The following GABRG3 variants were observed in gnomAD, a reference collection of about 807,000 sequenced individuals.
GABRG3 encodes the protein gamma-aminobutyric acid type A receptor subunit gamma3.
A neutral mutation model predicts 48.8 loss-of-function variants in GABRG3; 25 were observed. The ratio of observed to expected loss-of-function variants is 0.51; its 90% confidence interval spans 0.37 to 0.72. The LOEUF (loss-of-function observed/expected upper bound fraction) is 0.72. Ranked by LOEUF, GABRG3 falls within the 30% of genes least tolerant of loss-of-function variation. The pLI is 0.00. For synonymous variants in GABRG3, 227 were observed against 217.6 expected (o/e 1.04, Z -0.38); for missense variants, 394 against 577.9 (o/e 0.68, Z 3.26).
chr15:27,502,419 T>C (rs1171194614), intron 6 of GABRG3, among the ~76,000 whole-genome samples: 2 of 152,214 alleles, frequency 1.3e-5, no homozygotes, highest in East Asian at 3.9e-4. Flanking sequence ...AAGTGCTTTA[T>C]CCTATTCCCT....
intron 3 of GABRG3, among the ~76,000 whole-genome samples, chr15:27,278,797 G>A (rs964098895): frequency 1.3e-5 from 2 of 152,180 alleles, no homozygotes; most frequent in African/African-American, 4.8e-5. Flanking sequence ...TGACATAAAA[G>A]CCAAGAGTGT....
intron 3 of GABRG3, among the ~76,000 whole-genome samples, chr15:27,174,445 G>A: frequency 6.6e-6 from 1 of 152,084 alleles, no homozygotes; most frequent in East Asian, 1.9e-4. Context: ...TCCCTCATCA[G>A]TTAGAACTAT....
intron 3 of GABRG3, among the ~76,000 whole-genome samples, chr15:27,304,770 A>G (rs1477411432): frequency 1.3e-5 from 2 of 151,948 alleles, no homozygotes; most frequent in Admixed American, 6.6e-5. Flanking sequence ...CCAAAGTACT[A>G]TTTGCCAAGT....
intron 5 of GABRG3, among the ~76,000 whole-genome samples, chr15:27,344,463 G>A (rs915212476): frequency 2.6e-5 from 4 of 152,166 alleles, no homozygotes; most frequent in East Asian, 1.9e-4. Flanking sequence ...CTAAAGTCTC[G>A]TTGCAGTGAA....
Position 27,527,327 on chromosome 15 carries a change from G to A in GABRG3, c.866-106G>A. The A allele has an allele frequency of 3.3e-6, 3 of 913,352 alleles. No individual in the cohort carries two copies. In the South Asian group the frequency reaches 4.9e-5, roughly 15 times the overall value. The allele number at this position is 913,352 out of a possible 1,614,324, so 56.6% of individuals were successfully genotyped here. On this transcript the variant is annotated intron_variant, in intron 7 of 9. Coordinates refer to ENST00000615808, the MANE Select transcript of GABRG3 (RefSeq NM_033223.5). ...ATTACATGAGGTATGCAGCATCAGG[G>A]ATTCCTGTAAGGCAGCCGTGCTGGG...
chr15:27,380,357 C>G (rs897906298), intron 5 of GABRG3, among the ~76,000 whole-genome samples: 1 of 151,830 alleles, frequency 6.6e-6, no homozygotes, highest in Non-Finnish European at 1.5e-5. Context: ...TCTGATAATC[C>G]CAACATCTCT....
chr15:27,418,530 T>A (rs1888011766), intron 5 of GABRG3, among the ~76,000 whole-genome samples: 1 of 152,176 alleles, frequency 6.6e-6, no homozygotes, highest in Admixed American at 6.5e-5. Context: ...TGTCACTGAT[T>A]CAGCTGCCAC....
intron 3 of GABRG3, among the ~76,000 whole-genome samples, chr15:27,063,130 C>T (rs1016505955): frequency 6.6e-6 from 1 of 152,184 alleles, no homozygotes; most frequent in African/African-American, 2.4e-5. Context: ...CTAAGCCCGA[C>T]TAAACTGTTG....
At position 27,538,803 on chromosome 15, in the gene GABRG3, G is replaced by A. The variant is rs749338128; in HGVS notation, c.*5922G>A. ...ACTTCCTGTGAGGGGCTTAGACTCC[G>A]ATTTCTCCCAGTTGCCTCACTTACT... On this transcript the variant is annotated 3_prime_UTR_variant, in exon 10 of 10. Coordinates refer to ENST00000615808, the MANE Select transcript of GABRG3 (RefSeq NM_033223.5). 2.6e-5 allele frequency: 4 copies of A among 152,166 alleles called. No individual in the cohort carries two copies. The highest frequency in any genetic ancestry group is 1.9e-4 in the East Asian group (1 of 5,196). 9.4% of individuals were successfully genotyped at this position (152,166 alleles called of 1,614,324 possible).
At chr15:27,059,440 T>A (rs1324043087) in intron 3 of GABRG3, among the ~76,000 whole-genome samples, 1 of 152,246 alleles carries the variant, frequency 6.6e-6, no homozygotes, top group Non-Finnish European at 1.5e-5. Flanking sequence ...GAATCCCAGT[T>A]ATGAGATACT....
intron 3 of GABRG3, among the ~76,000 whole-genome samples, chr15:27,041,662 A>G (rs1896278914): frequency 6.6e-6 from 1 of 152,184 alleles, no homozygotes; most frequent in African/African-American, 2.4e-5. Context: ...CATGTACTAC[A>G]TTTGCCAATC....
intron 3 of GABRG3, among the ~76,000 whole-genome samples, chr15:27,037,736 C>T (rs7179741): frequency 0.017 from 2,516 of 152,244 alleles, 55 homozygotes; most frequent in African/African-American, 0.057. Context: ...CTTCTGTGCC[C>T]GAGCTGTCTT....
intron 6 of GABRG3, chr15:27,481,383 T>C: frequency 3.6e-6 from 2 of 556,396 alleles, no homozygotes; most frequent in Non-Finnish European, 4.6e-6. Context: ...ATGTCTTATG[T>C]TGTTTTTTGC....
rs750517024 is a variant in GABRG3, at chr15:27,480,807, G to A, written c.712+20G>A. Reference sequence around the variant, plus strand: ...CTGCAGGTAGGAATTTACTGAAAGAGGCACAGCTCTCAAAAGCCAGAGAGG... The same window carrying A: ...CTGCAGGTAGGAATTTACTGAAAGAAGCACAGCTCTCAAAAGCCAGAGAGG... On this transcript the variant is annotated intron_variant, in intron 6 of 9. Coordinates refer to ENST00000615808, the MANE Select transcript of GABRG3 (RefSeq NM_033223.5). The A allele has an allele frequency of 3.7e-6, 6 of 1,612,570 alleles. No homozygotes were observed. In the South Asian group the frequency reaches 6.6e-5, roughly 18 times the overall value.
At chr15:27,382,935 G>A (rs755220558) in intron 5 of GABRG3, among the ~76,000 whole-genome samples, 49 of 152,092 alleles carry the variant, frequency 3.2e-4, no homozygotes, top group Non-Finnish European at 4.9e-4. Flanking sequence ...AGTGTGCTTG[G>A]ATATATTAAT....
chr15:27,466,704 T>A (rs1256993903), intron 5 of GABRG3, among the ~76,000 whole-genome samples: 1 of 152,116 alleles, frequency 6.6e-6, no homozygotes, highest in Non-Finnish European at 1.5e-5. Context: ...AACCGTTGTA[T>A]CCTAGTTGGA....
chr15:27,175,862 G>T (rs1481232306), intron 3 of GABRG3, among the ~76,000 whole-genome samples: 2 of 152,120 alleles, frequency 1.3e-5, no homozygotes, highest in African/African-American at 4.8e-5. Flanking sequence ...AAGAGACATT[G>T]TTCCTTCCTC....
At chr15:27,148,655 G>C (rs1225561469) in intron 3 of GABRG3, among the ~76,000 whole-genome samples, 1 of 151,826 alleles carries the variant, frequency 6.6e-6, no homozygotes, top group East Asian at 1.9e-4. Flanking sequence ...TTATACACCA[G>C]TGACCAAGTA....
intron 3 of GABRG3, among the ~76,000 whole-genome samples, chr15:27,046,186 G>A (rs560616621): frequency 1.3e-5 from 2 of 151,960 alleles, no homozygotes; most frequent in Admixed American, 6.6e-5. Context: ...GTCCGTCTCC[G>A]GGGTTCAAGT....
Sources: allele counts gnomAD v4.1 joint callset (sites outside exome capture counted in the v4.1 genomes callset), GRCh38; gene constraint gnomAD v4.1.1; transcripts MANE v1.5; gene names NCBI Gene and HGNC (gene_info 2026-07-23, HGNC 2026-07-21).